The following PLEKHA8 variants were observed in gnomAD, a reference collection of about 807,000 sequenced individuals.
The protein encoded by PLEKHA8 is pleckstrin homology domain containing A8.
Under a neutral mutation model 68.2 loss-of-function variants are expected in PLEKHA8, and 36 were observed. The observed-to-expected ratio is 0.53, with a 90% CI of 0.40 to 0.70. PLEKHA8 has a LOEUF of 0.70. Ranked by LOEUF, PLEKHA8 falls within the 30% of genes least tolerant of loss-of-function variation. The probability of loss-of-function intolerance (pLI) is 0.00; values close to 1 mark genes in which losing one functional copy is unlikely to be tolerated. For synonymous variants in PLEKHA8, 211 were observed against 216.1 expected, an observed-to-expected ratio of 0.98 and a Z score of 0.20; for missense variants, 505 against 615.4, an observed-to-expected ratio of 0.82 and a Z score of 1.90.
At chr7:30,073,600 GC>G (rs1348734305) in intron 12 of PLEKHA8, among the ~76,000 whole-genome samples, 2 of 143,904 alleles carry the variant, frequency 1.4e-5, no homozygotes, top group African/African-American at 5.5e-5. Flanking sequence ...TTCCATGTGA[GC>G]TTTTTTACTG....
chr7:30,035,942 G>A (rs1409822355), intron 1 of PLEKHA8, among the ~76,000 whole-genome samples: 3 of 151,550 alleles, frequency 2.0e-5, no homozygotes, highest in Non-Finnish European at 2.9e-5. Flanking sequence ...CACCTCGCCC[G>A]GCCATATATT....
At chr7:30,108,090 A>AAAC (rs1796139505) in intron 13 of PLEKHA8, among the ~76,000 whole-genome samples, 6 of 148,966 alleles carry the variant, frequency 4.0e-5, no homozygotes, top group African/African-American at 1.5e-4. Flanking sequence ...AAAAAAAAAA[A>AAAC]AACCTACATT....
chr7:30,102,262 A>G (rs1583470633), intron 13 of PLEKHA8, among the ~76,000 whole-genome samples: 1 of 152,364 alleles, frequency 6.6e-6, no homozygotes. Flanking sequence ...CTATAATAGT[A>G]ATTTTTAAAA....
In PLEKHA8 at chr7:30,101,643, A is replaced by G. The variant is rs529025017; in HGVS notation, c.1362+27511A>G. On this transcript the variant is annotated intron_variant, in intron 13 of 13. Transcript: ENST00000396257. The stretch of plus-strand genomic sequence containing the variant: ...TAGGCGCTAGGATTTCAACATATGA[A>G]TTTGGGGAGAACACAGAGATTCAGA... 2.0e-5 allele frequency among the ~76,000 whole-genome samples: 3 copies of G among 152,322 alleles called. No homozygotes were observed. In the East Asian group the frequency reaches 5.8e-4, roughly 29 times the overall value.
chr7:30,054,928 C>A, intron 8 of PLEKHA8, 63 bp downstream of exon 8: 2 of 1,447,388 alleles, frequency 1.4e-6, no homozygotes, highest in South Asian at 1.3e-5. Context: ...GAAAATCAGT[C>A]ATGGTGTTCC....
At chr7:30,098,075 G>T (rs914248543) in intron 13 of PLEKHA8, among the ~76,000 whole-genome samples, 2 of 152,228 alleles carry the variant, frequency 1.3e-5, no homozygotes, top group African/African-American at 4.8e-5. Flanking sequence ...GTCTGTTGGA[G>T]TTTGCTGGAG....
Position 30,034,128 on chromosome 7 carries a change from C to T in PLEKHA8, c.40+5326C>T, listed in dbSNP as rs1790879962. On this transcript the variant is annotated intron_variant, in intron 1 of 13. Coordinates refer to ENST00000449726, the MANE Select transcript of PLEKHA8 (RefSeq NM_001197026.2). The stretch of plus-strand genomic sequence containing the variant: ...AGTTCAAGCAATTCTCCTGCCTCAG[C>T]CTCCTGAGTACCTAGGACTACAGGT... Among the ~76,000 whole-genome samples, 4 of 144,826 alleles carry T rather than the reference C, an allele frequency of 2.8e-5. No individual in the cohort carries two copies. The South Asian group carries it at 8.9e-4, about 32-fold the overall frequency.
At chr7:30,114,909 C>G (rs537665809) in intron 13 of PLEKHA8, among the ~76,000 whole-genome samples, 1 of 152,170 alleles carries the variant, frequency 6.6e-6, no homozygotes. Flanking sequence ...GAATTCATTT[C>G]TCAGAGGACA....
At chr7:30,118,101 GGGATCAGC>G in intron 13 of PLEKHA8, 1 of 1,340,088 alleles carries the variant, frequency 7.5e-7, no homozygotes, top group Non-Finnish European at 9.8e-7. Flanking sequence ...CTCTCTCCAG[GGGATCAGC>G]CTGGACTAAA....
intron 2 of PLEKHA8, 102 bp downstream of exon 2, chr7:30,045,303 A>G (rs1791867846): frequency 3.6e-6 from 3 of 824,260 alleles, no homozygotes; most frequent in Admixed American, 2.4e-5. Context: ...TGCTCCCATA[A>G]TACAGACCAA....
intron 13 of PLEKHA8, among the ~76,000 whole-genome samples, chr7:30,106,339 T>C (rs1432386238): frequency 1.3e-5 from 2 of 152,144 alleles, no homozygotes; most frequent in South Asian, 2.1e-4. Flanking sequence ...GCTCGGATTA[T>C]AGACATGAGC....
At chr7:30,127,049 C>T (rs907538479) in intron 13 of PLEKHA8, among the ~76,000 whole-genome samples, 19 of 152,180 alleles carry the variant, frequency 1.2e-4, no homozygotes, top group African/African-American at 3.6e-4. Flanking sequence ...TTCATGGCAA[C>T]GTAGTTTTAT....
chr7:30,066,295 C>T (rs769653463), intron 12 of PLEKHA8, among the ~76,000 whole-genome samples: 9 of 152,142 alleles, frequency 5.9e-5, no homozygotes, highest in Non-Finnish European at 8.8e-5. Flanking sequence ...TGTAGAAGTC[C>T]TAAATAACAT....
At chr7:30,113,722 G>C (rs189870543) in intron 13 of PLEKHA8, among the ~76,000 whole-genome samples, 1 of 151,898 alleles carries the variant, frequency 6.6e-6, no homozygotes, top group Non-Finnish European at 1.5e-5. Flanking sequence ...CATTCCTTAG[G>C]CCTCATAACC....
Position 30,039,597 on chromosome 7 carries a change from TCTAA to T in PLEKHA8, c.41-5485_41-5482del, listed in dbSNP as rs1344473358. On this transcript the variant is annotated intron_variant, in intron 1 of 13. Coordinates refer to ENST00000449726, the MANE Select transcript of PLEKHA8 (RefSeq NM_001197026.2). ...GATGTTATCGTAAATGGATTTGTTT[TCTAA>T]CTTTCATTTTCAGATTTTTCATTGC... 6.6e-5 allele frequency among the ~76,000 whole-genome samples: 10 copies of T among 152,234 alleles called. No homozygotes were observed. In the South Asian group the frequency reaches 1.9e-3, roughly 28 times the overall value.
rs1795067571 is a variant in PLEKHA8, at chr7:30,083,923, A to G, written c.*5136A>G. ...TATGCGTGTCTGTTTATAGGTGTATATGGAGTCAGTGTTGATAGGAAGGAT... is the reference window on the plus strand; with the variant it reads ...TATGCGTGTCTGTTTATAGGTGTATGTGGAGTCAGTGTTGATAGGAAGGAT... On this transcript the variant is annotated 3_prime_UTR_variant, in exon 14 of 14. Transcript: ENST00000449726. 4 of 985,366 alleles carry G rather than the reference A, an allele frequency of 4.1e-6. No individual in the cohort carries two copies. Among genetic ancestry groups the G allele is most frequent in the Admixed American group, 6.1e-5 (1 of 16,268 alleles). 61.0% of individuals were successfully genotyped at this position (985,366 alleles called of 1,614,324 possible).
intron 10 of PLEKHA8, 49 bp from the exon 11 acceptor site, chr7:30,061,848 G>A: frequency 6.2e-7 from 1 of 1,608,946 alleles, no homozygotes; most frequent in Non-Finnish European, 8.5e-7. Flanking sequence ...TGAGTTGCTT[G>A]ATAACTTCAG....
chr7:30,084,190 T>C lies in PLEKHA8; in HGVS notation c.*5403T>C. 5.1e-6 allele frequency: 5 copies of C among 985,306 alleles called. No individual in the cohort carries two copies. The highest frequency in any genetic ancestry group is 9.4e-5 in the South Asian group (2 of 21,286). The allele number at this position is 985,306 out of a possible 1,614,324, so 61.0% of individuals were successfully genotyped here. A position where few individuals can be genotyped will look rare whatever the true frequency, so the allele number is the denominator to read the frequency against. On this transcript the variant is annotated 3_prime_UTR_variant, in exon 14 of 14. Transcript: ENST00000449726. ...TAAAGAAGAAACATGATAGACCAGA[T>C]GCCAAAGGCTAAAATGTACATAGAT...
Position 30,080,297 on chromosome 7 carries a change from C to T in PLEKHA8, c.*1510C>T, listed in dbSNP as rs941898568. 4.1e-6 allele frequency: 4 copies of T among 985,414 alleles called. No individual in the cohort carries two copies. Among genetic ancestry groups the T allele is most frequent in the African/African-American group, 1.7e-5 (1 of 57,354 alleles). 61.0% of individuals were successfully genotyped at this position (985,414 alleles called of 1,614,324 possible). A position where few individuals can be genotyped will look rare whatever the true frequency, so the allele number is the denominator to read the frequency against. On this transcript the variant is annotated 3_prime_UTR_variant, in exon 14 of 14. Transcript: ENST00000449726. ...GCCCTAGTCTCAGTAGACCATGCTG[C>T]CTCGAGTGTGCATCGGAGAGAAGCC... is the stretch of plus-strand genomic sequence containing the variant.
Sources: gnomAD v4.1 joint callset for allele counts (sites outside exome capture counted in the v4.1 genomes callset) on GRCh38, gnomAD v4.1.1 for gene constraint, MANE v1.5 for transcripts, NCBI Gene and HGNC (gene_info 2026-07-23, HGNC 2026-07-21) for gene names.